The following CALCR variants were observed in gnomAD, a reference collection of about 807,000 sequenced individuals.
CALCR encodes the protein calcitonin receptor.
CALCR carries 47 observed loss-of-function variants against 59.5 expected under a neutral mutation model. The observed-to-expected ratio is 0.79, with a 90% CI of 0.63 to 1.01. The LOEUF (loss-of-function observed/expected upper bound fraction) is 1.01. Among genes scored for constraint, CALCR ranks in the 50% least tolerant of loss-of-function variants. CALCR has a pLI of 0.00. For synonymous variants in CALCR, 213 were observed against 211.3 expected, an observed-to-expected ratio of 1.01 and a Z score of -0.07; for missense variants, 566 against 597.1, an observed-to-expected ratio of 0.95 and a Z score of 0.54.
At chr7:93,564,250 T>TG (rs894159313) in intron 2 of CALCR, among the ~76,000 whole-genome samples, 40 of 151,424 alleles carry the variant, frequency 2.6e-4, no homozygotes, top group Admixed American at 4.6e-4. Flanking sequence ...GGTGAATGTG[T>TG]GGGGGGGGAC....
chr7:93,513,987 A>T (rs1801602736), intron 2 of CALCR, among the ~76,000 whole-genome samples: 1 of 152,010 alleles, frequency 6.6e-6, no homozygotes, highest in African/African-American at 2.4e-5. Context: ...TGTAATGAGG[A>T]TACATTTGCA....
rs765940253 is a variant in CALCR at position 93,472,424 on chromosome 7, G to A, written c.380C>T (p.Thr127Ile). ...VWFKHPENNR[T>I]WSNYTMCNAF... ...ATTGCACATAGTATAGTTGGACCAGGTTCGATTGTTTTCAGGATGTTTAAA... is the reference window on the plus strand; with the variant it reads ...ATTGCACATAGTATAGTTGGACCAGATTCGATTGTTTTCAGGATGTTTAAA... The change falls in exon 6 of 14, where the codon ACC becomes ATC. Residue 127 changes from threonine (T) to isoleucine (I), a missense_variant. Coordinates refer to ENST00000426151, the MANE Select transcript of CALCR (RefSeq NM_001742.4). The A allele has an allele frequency of 2.5e-6, 4 of 1,610,540 alleles. No individual in the cohort carries two copies. Among genetic ancestry groups the A allele is most frequent in the Non-Finnish European group, 3.4e-6 (4 of 1,177,730 alleles).
chr7:93,475,017 T>A (rs1471168729), intron 5 of CALCR, among the ~76,000 whole-genome samples: 1 of 151,688 alleles, frequency 6.6e-6, no homozygotes, highest in African/African-American at 2.4e-5. Context: ...GATCTGATAA[T>A]ATTTAAAATA....
chr7:93,460,421 T>C (rs1800291507), intron 8 of CALCR, among the ~76,000 whole-genome samples: 1 of 150,954 alleles, frequency 6.6e-6, no homozygotes, highest in African/African-American at 2.4e-5. Context: ...CCGGGCATGG[T>C]GTCGCATGCC....
rs1208100014 is a variant in CALCR, at chr7:93,443,600, A to G, written c.802+4T>C. ...CTCAAAACTTAGCTGCAGAAAATAC[A>G]TACCCCAGCCCAAGAGATAATACCA... On this transcript the variant is annotated splice_donor_region_variant and intron_variant, in intron 9 of 13. Coordinates refer to ENST00000426151, the MANE Select transcript of CALCR (RefSeq NM_001742.4). The G allele has an allele frequency of 1.9e-6, 3 of 1,611,964 alleles. No homozygotes were observed. The African/African-American group carries it at 4.0e-5, about 22-fold the overall frequency.
chr7:93,495,376 C>G (rs147411152), intron 2 of CALCR, among the ~76,000 whole-genome samples: 166 of 151,412 alleles, frequency 1.1e-3, no homozygotes, highest in African/African-American at 3.9e-3. Flanking sequence ...AGAGAAGAGC[C>G]TGGAACATAG....
chr7:93,546,457 G>A (rs573820002), intron 2 of CALCR, among the ~76,000 whole-genome samples: 1 of 152,272 alleles, frequency 6.6e-6, no homozygotes, highest in East Asian at 1.9e-4. Flanking sequence ...GTTTTTAAGT[G>A]GCAGTAGCTG....
At chr7:93,508,453 A>G (rs1156872510) in intron 2 of CALCR, among the ~76,000 whole-genome samples, 3 of 152,212 alleles carry the variant, frequency 2.0e-5, no homozygotes, top group Non-Finnish European at 4.4e-5. Context: ...AAACTATTAA[A>G]TAGAATTACT....
chr7:93,531,673 T>C (rs887644502), intron 2 of CALCR, among the ~76,000 whole-genome samples: 11 of 152,126 alleles, frequency 7.2e-5, no homozygotes, highest in Non-Finnish European at 1.5e-4. Context: ...ATTTCTTTAA[T>C]TGTGTTCATC....
intron 2 of CALCR, among the ~76,000 whole-genome samples, chr7:93,507,462 G>T (rs1228222949): frequency 1.3e-5 from 2 of 151,968 alleles, no homozygotes; most frequent in African/African-American, 4.8e-5. Context: ...GCCATGAGGG[G>T]CCCTCAGTGT....
intron 5 of CALCR, among the ~76,000 whole-genome samples, chr7:93,475,327 T>C (rs574637235): frequency 6.6e-6 from 1 of 151,894 alleles, no homozygotes; most frequent in South Asian, 2.1e-4. Flanking sequence ...AAACTGTAAA[T>C]TTACTGAGAT....
rs1482837466 is a variant in CALCR at position 93,465,152 on chromosome 7, C to CTG, written c.521+3561_521+3562dup. On this transcript the variant is annotated intron_variant, in intron 7 of 13. Transcript: ENST00000426151. Reference sequence around the variant, plus strand: ...GTCAAAATAAATGCTAATGAATGGTCTGTTATGCTTTTCATGAAGTGATAC... The same window carrying CTG: ...GTCAAAATAAATGCTAATGAATGGTCTGTGTTATGCTTTTCATGAAGTGATAC... Among the ~76,000 whole-genome samples the CTG allele has an allele frequency of 2.6e-5, 4 of 151,846 alleles. No individual in the cohort carries two copies. The East Asian group carries it at 5.8e-4, about 22-fold the overall frequency.
rs146516738 is a variant in CALCR at position 93,476,584 on chromosome 7, T to G, written c.316+974A>C. On this transcript the variant is annotated intron_variant, in intron 5 of 13. Transcript: ENST00000426151. ...CAGGCTGAAAAGATGGATCGATGCC[T>G]GTAAATCTCTGATTTTTTTATCAAA... 3.4e-3 allele frequency among the ~76,000 whole-genome samples: 523 copies of G among 151,980 alleles called. 6 individuals are homozygous for G. Among genetic ancestry groups the G allele is most frequent in the African/African-American group, 0.012 (495 of 41,518 alleles).
At chr7:93,443,845 T>G in intron 8 of CALCR, 88 bp from the exon 9 acceptor site, 1 of 1,116,986 alleles carries the variant, frequency 9.0e-7, no homozygotes. Context: ...CAAGCCAAAG[T>G]ATCTGCATTC....
At chr7:93,476,353 A>G (rs969764840) in intron 5 of CALCR, among the ~76,000 whole-genome samples, 1 of 151,826 alleles carries the variant, frequency 6.6e-6, no homozygotes, top group Non-Finnish European at 1.5e-5. Flanking sequence ...CTGGCATTTC[A>G]TTAATGTGTT....
intron 2 of CALCR, among the ~76,000 whole-genome samples, chr7:93,557,799 A>G (rs1392204400): frequency 2.0e-5 from 3 of 152,056 alleles, no homozygotes; most frequent in South Asian, 2.1e-4. Flanking sequence ...TAAAATGCCA[A>G]TGTTATCATA....
At chr7:93,491,037 T>G (rs2115954418) in intron 2 of CALCR, among the ~76,000 whole-genome samples, 1 of 152,112 alleles carries the variant, frequency 6.6e-6, no homozygotes, top group South Asian at 2.1e-4. Context: ...CAAAACAGCA[T>G]GGCACTGGTA....
At chr7:93,553,450 A>C (rs141558835) in intron 2 of CALCR, among the ~76,000 whole-genome samples, 1 of 152,056 alleles carries the variant, frequency 6.6e-6, no homozygotes, top group Non-Finnish European at 1.5e-5. Context: ...TACAAAATGC[A>C]TGCCATAGAA....
intron 2 of CALCR, among the ~76,000 whole-genome samples, chr7:93,564,429 G>T (rs1405737470): frequency 6.6e-6 from 1 of 151,576 alleles, no homozygotes; most frequent in Non-Finnish European, 1.5e-5. Flanking sequence ...TTTGATCAAA[G>T]AACACATCAT....
Sources: gnomAD v4.1 joint callset for allele counts (sites outside exome capture counted in the v4.1 genomes callset) on GRCh38, gnomAD v4.1.1 for gene constraint, MANE v1.5 for transcripts, NCBI Gene and HGNC (gene_info 2026-07-23, HGNC 2026-07-21) for gene names.